Variants in ANKRD29 observed in about 807,000 individuals in gnomAD.
ANKRD29 encodes ankyrin repeat domain 29.
Under a neutral mutation model 38.0 loss-of-function variants are expected in ANKRD29, and 32 were observed. The ratio of observed to expected loss-of-function variants is 0.84; its 90% confidence interval spans 0.64 to 1.13. The LOEUF (loss-of-function observed/expected upper bound fraction) is 1.13. Among genes scored for constraint, ANKRD29 ranks in the 50% most tolerant of loss-of-function variants. The pLI is 0.00. For synonymous variants in ANKRD29, 135 were observed against 152.4 expected (o/e 0.89, Z 0.84); for missense variants, 357 against 377.9 (o/e 0.94, Z 0.46).
chr18:23,623,270 T>A (rs780562615), intron 6 of ANKRD29, among the ~76,000 whole-genome samples: 1 of 152,140 alleles, frequency 6.6e-6, no homozygotes, highest in Non-Finnish European at 1.5e-5. Flanking sequence ...AAAATGAGAT[T>A]TGGGGGCCGC....
At chr18:23,602,783 A>AG (rs1055224427) in intron 9 of ANKRD29, among the ~76,000 whole-genome samples, 1 of 151,980 alleles carries the variant, frequency 6.6e-6, no homozygotes, top group Non-Finnish European at 1.5e-5. Flanking sequence ...ATTTTCAAAA[A>AG]GAAAAAAAAA....
At chr18:23,655,570 G>A (rs1262773833) in intron 1 of ANKRD29, among the ~76,000 whole-genome samples, 1 of 151,826 alleles carries the variant, frequency 6.6e-6, no homozygotes, top group East Asian at 2.0e-4. Flanking sequence ...TTAGCCTCCT[G>A]AGTAGCTGGA....
At chr18:23,641,134 G>A (rs1185855583) in intron 3 of ANKRD29, among the ~76,000 whole-genome samples, 1 of 152,216 alleles carries the variant, frequency 6.6e-6, no homozygotes, top group Non-Finnish European at 1.5e-5. Context: ...GGCAGTGGTG[G>A]CCTGTCTGGA....
intron 1 of ANKRD29, among the ~76,000 whole-genome samples, chr18:23,655,416 C>T (rs2060266229): frequency 1.3e-5 from 2 of 152,076 alleles, no homozygotes; most frequent in Admixed American, 1.3e-4. Context: ...TGACAGCAGA[C>T]CCTGAAGGAA....
At chr18:23,646,054 A>C (rs2060135574) in intron 3 of ANKRD29, 135 bp downstream of exon 3, 1 of 768,934 alleles carries the variant, frequency 1.3e-6, no homozygotes, top group East Asian at 2.7e-5. Context: ...CATTGTAGGC[A>C]CAATAAACTC....
intron 5 of ANKRD29, among the ~76,000 whole-genome samples, chr18:23,632,533 G>GTATA (rs61584775): frequency 1.3e-4 from 17 of 130,942 alleles, no homozygotes; most frequent in African/African-American, 5.2e-4. Flanking sequence ...GTGTGTGTGT[G>GTATA]TATATATATA....
chr18:23,609,904 T>C (rs1357401066), intron 9 of ANKRD29, among the ~76,000 whole-genome samples: 2 of 152,152 alleles, frequency 1.3e-5, no homozygotes, highest in Admixed American at 1.3e-4. Flanking sequence ...TAAGCAGAAA[T>C]GTTATAGACA....
At chr18:23,651,689 T>G (rs181253947) in intron 1 of ANKRD29, among the ~76,000 whole-genome samples, 30 of 152,332 alleles carry the variant, frequency 2.0e-4, no homozygotes, top group African/African-American at 6.3e-4. Context: ...TCTATTGTCA[T>G]AACAAGATCT....
At chr18:23,614,573 C>T (rs2059686832) in intron 8 of ANKRD29, among the ~76,000 whole-genome samples, 1 of 151,094 alleles carries the variant, frequency 6.6e-6, no homozygotes, top group African/African-American at 2.4e-5. Context: ...AATCCCAGCG[C>T]TTTAGGAGGC....
intron 5 of ANKRD29, among the ~76,000 whole-genome samples, chr18:23,631,471 C>G (rs2059932091): frequency 6.6e-6 from 1 of 151,984 alleles, no homozygotes; most frequent in African/African-American, 2.4e-5. Flanking sequence ...GTCTCGAACT[C>G]TTGGGCTCAA....
chr18:23,637,361 T>C (rs1485808142), intron 4 of ANKRD29, among the ~76,000 whole-genome samples: 1 of 152,238 alleles, frequency 6.6e-6, no homozygotes, highest in African/African-American at 2.4e-5. Context: ...CAAAACCTTA[T>C]ATGAAATTCA....
intron 6 of ANKRD29, among the ~76,000 whole-genome samples, chr18:23,627,433 A>T (rs929603256): frequency 6.6e-6 from 1 of 152,206 alleles, no homozygotes; most frequent in Non-Finnish European, 1.5e-5. Context: ...AGACTAGGTC[A>T]TCCACTTTGA....
intron 1 of ANKRD29, among the ~76,000 whole-genome samples, chr18:23,653,853 G>A (rs917872938): frequency 2.6e-5 from 4 of 152,106 alleles, no homozygotes; most frequent in African/African-American, 9.7e-5. Flanking sequence ...TTACAGGCAT[G>A]AGCCACCATG....
At chr18:23,657,569 T>A (rs1320509101) in intron 1 of ANKRD29, among the ~76,000 whole-genome samples, 1 of 152,192 alleles carries the variant, frequency 6.6e-6, no homozygotes, top group Non-Finnish European at 1.5e-5. Flanking sequence ...TATCTACCCA[T>A]CAACAATCAC....
At chr18:23,648,993 C>G in intron 2 of ANKRD29, 90 bp downstream of exon 2, 1 of 1,030,992 alleles carries the variant, frequency 9.7e-7, no homozygotes, top group South Asian at 1.5e-5. Context: ...AGTAAATAAG[C>G]ATTGTAAAGG....
rs551752507 is a variant in ANKRD29 at position 23,650,374 on chromosome 18, G to T, written c.22-1181C>A. Among the ~76,000 whole-genome samples the T allele has an allele frequency of 4.5e-4, 68 of 152,084 alleles. No individual in the cohort carries two copies. The South Asian group carries it at 0.012, about 27-fold the overall frequency. On this transcript the variant is annotated intron_variant, in intron 1 of 9. Coordinates refer to ENST00000592179, the MANE Select transcript of ANKRD29 (RefSeq NM_173505.4). ...GCCTAGGCTGGTCTCGAACTCCTGGGCTCAAGCAATCTACCCACCTCAGCC... is the reference window on the plus strand; with the variant it reads ...GCCTAGGCTGGTCTCGAACTCCTGGTCTCAAGCAATCTACCCACCTCAGCC...
At chr18:23,647,443 T>G (rs1437602900) in intron 2 of ANKRD29, 2 of 152,258 alleles carry the variant, frequency 1.3e-5, no homozygotes, top group African/African-American at 4.8e-5. Context: ...TGTGAAAGTC[T>G]TGTTGGCTTT....
intron 9 of ANKRD29, among the ~76,000 whole-genome samples, chr18:23,608,313 G>T (rs2059597544): frequency 3.3e-5 from 5 of 152,184 alleles, no homozygotes; most frequent in Admixed American, 3.3e-4. Flanking sequence ...AGCAAGACTG[G>T]CTTCTATGGA....
intron 7 of ANKRD29, 24 bp downstream of exon 7, chr18:23,619,507 T>A: frequency 6.4e-7 from 1 of 1,564,426 alleles, no homozygotes; most frequent in Non-Finnish European, 8.6e-7. Context: ...CTTCGCTCTT[T>A]GGCCGCGCGA....
Sources: gnomAD v4.1 joint callset for allele counts (sites outside exome capture counted in the v4.1 genomes callset) on GRCh38, gnomAD v4.1.1 for gene constraint, MANE v1.5 for transcripts, NCBI Gene and HGNC (gene_info 2026-07-23, HGNC 2026-07-21) for gene names.